KIAA1328: variants seen among roughly 807,000 people sequenced by gnomAD.
KIAA1328 encodes protein hinderin.
Under a neutral mutation model 68.1 loss-of-function variants are expected in KIAA1328, and 52 were observed. That is an observed-to-expected ratio of 0.76 (90% CI 0.61 to 0.96). KIAA1328 has a LOEUF of 0.96. Ranked by LOEUF, KIAA1328 falls within the 40% of genes least tolerant of loss-of-function variation. The pLI is 0.00. For missense variants in KIAA1328, 641 were observed against 677.6 expected, an observed-to-expected ratio of 0.95 and a Z score of 0.60; for synonymous variants, 232 against 239.4, an observed-to-expected ratio of 0.97 and a Z score of 0.28.
intron 4 of KIAA1328, among the ~76,000 whole-genome samples, chr18:36,853,937 C>G (rs570028715): frequency 6.6e-6 from 1 of 152,224 alleles, no homozygotes; most frequent in African/African-American, 2.4e-5. Context: ...GGATTATAGG[C>G]GTGAGCCACT....
In KIAA1328 at chr18:37,006,353, T is replaced by C. The variant is rs1285412837; in HGVS notation, c.576+46918T>C. Among the ~76,000 whole-genome samples, 5 of 152,012 alleles carry C rather than the reference T, an allele frequency of 3.3e-5. No individual in the cohort carries two copies. The South Asian group carries it at 1.0e-3, about 32-fold the overall frequency. Reference sequence around the variant, plus strand: ...CACAAAATACTGATCAAGGAGAAAATTTTACACATAAAACAATAAAACATA... The same window carrying C: ...CACAAAATACTGATCAAGGAGAAAACTTTACACATAAAACAATAAAACATA... On this transcript the variant is annotated intron_variant, in intron 6 of 9. Transcript: ENST00000280020.
At chr18:37,170,842 T>G (rs906523697) in intron 8 of KIAA1328, among the ~76,000 whole-genome samples, 2 of 151,862 alleles carry the variant, frequency 1.3e-5, no homozygotes, top group Non-Finnish European at 2.9e-5. Context: ...TTTCAAAGAG[T>G]TTTTATGAAA....
At chr18:37,054,808 CTATTTTT>C (rs1274782614) in intron 6 of KIAA1328, among the ~76,000 whole-genome samples, 1 of 152,132 alleles carries the variant, frequency 6.6e-6, no homozygotes, top group African/African-American at 2.4e-5. Flanking sequence ...CCCCCTGAAT[CTATTTTT>C]TAAAAAGATT....
intron 7 of KIAA1328, among the ~76,000 whole-genome samples, chr18:37,121,334 G>C (rs1192240179): frequency 2.6e-5 from 4 of 152,104 alleles, no homozygotes; most frequent in African/African-American, 9.6e-5. Context: ...CAGGTTAGTT[G>C]AAGATTCGAT....
chr18:37,224,533 A>G lies in KIAA1328; in HGVS notation c.*2306A>G, dbSNP rs892181738. On this transcript the variant is annotated 3_prime_UTR_variant, in exon 10 of 10. Transcript: ENST00000280020. The stretch of plus-strand genomic sequence containing the variant: ...AGGGCAATAGGATGTAAATTTGTAT[A>G]TAATCTAATGTCTTCATTATTAATT... The G allele has an allele frequency of 1.0e-4, 101 of 979,520 alleles. No homozygotes were observed. Among genetic ancestry groups the G allele is most frequent in the Non-Finnish European group, 1.2e-4 (97 of 824,520 alleles). 60.7% of individuals were successfully genotyped at this position (979,520 alleles called of 1,614,324 possible).
intron 6 of KIAA1328, among the ~76,000 whole-genome samples, chr18:37,052,807 A>T (rs747582813): frequency 5.9e-5 from 9 of 152,184 alleles, no homozygotes; most frequent in Non-Finnish European, 1.2e-4. Context: ...TGAGATCTCT[A>T]CACGAACTAA....
intron 6 of KIAA1328, among the ~76,000 whole-genome samples, chr18:37,054,491 A>G (rs528879949): frequency 2.0e-5 from 3 of 152,258 alleles, no homozygotes; most frequent in Non-Finnish European, 4.4e-5. Flanking sequence ...ATAGAAAAGA[A>G]TGAAATCACA....
chr18:37,179,857 GA>G (rs2059665099), intron 9 of KIAA1328, among the ~76,000 whole-genome samples: 1 of 151,980 alleles, frequency 6.6e-6, no homozygotes, highest in South Asian at 2.1e-4. Flanking sequence ...TGTTACTCTT[GA>G]TTCTCTGTGG....
At chr18:37,050,757 A>C (rs1243450089) in intron 6 of KIAA1328, among the ~76,000 whole-genome samples, 7 of 152,222 alleles carry the variant, frequency 4.6e-5, no homozygotes, top group Admixed American at 1.3e-4. Flanking sequence ...CATGTGAATC[A>C]CATAAGGCAG....
chr18:37,206,863 A>G (rs1209269047), intron 9 of KIAA1328, among the ~76,000 whole-genome samples: 2 of 152,204 alleles, frequency 1.3e-5, no homozygotes, highest in African/African-American at 4.8e-5. Flanking sequence ...CCAGCCATCT[A>G]GAATATTGCT....
At chr18:36,960,179 G>A (rs1249129849) in intron 6 of KIAA1328, among the ~76,000 whole-genome samples, 1 of 152,216 alleles carries the variant, frequency 6.6e-6, no homozygotes, top group Admixed American at 6.5e-5. Context: ...CTGGGTGGGT[G>A]TCATGCCCAC....
intron 6 of KIAA1328, among the ~76,000 whole-genome samples, chr18:37,056,702 G>A (rs953296453): frequency 6.6e-6 from 1 of 152,086 alleles, no homozygotes; most frequent in African/African-American, 2.4e-5. Flanking sequence ...CCAGGCTGGA[G>A]TGCAGTAGTG....
Position 36,863,655 on chromosome 18 carries a change from A to T in KIAA1328, c.332+19353A>T, listed in dbSNP as rs576684155. The stretch of plus-strand genomic sequence containing the variant: ...GGGTCTTCTCATCTATGAACATGGT[A>T]TGTTGCTCCAATTATTTAGGTCTTT... On this transcript the variant is annotated intron_variant, in intron 4 of 9. Coordinates refer to ENST00000280020, the MANE Select transcript of KIAA1328 (RefSeq NM_020776.3). 4.3e-4 allele frequency among the ~76,000 whole-genome samples: 66 copies of T among 152,236 alleles called. 1 individual carries two copies. The highest frequency in any genetic ancestry group is 1.5e-3 in the African/African-American group (62 of 41,550).
intron 6 of KIAA1328, among the ~76,000 whole-genome samples, chr18:36,977,650 G>A (rs985782726): frequency 2.6e-5 from 4 of 152,068 alleles, no homozygotes; most frequent in Non-Finnish European, 5.9e-5. Flanking sequence ...TTTAAAACAA[G>A]GGACCACATT....
intron 7 of KIAA1328, among the ~76,000 whole-genome samples, chr18:37,154,154 A>G (rs2059103840): frequency 6.6e-6 from 1 of 152,158 alleles, no homozygotes. Flanking sequence ...CACCTATAGA[A>G]CTTTTTTAAA....
At chr18:36,927,612 G>T (rs904443061) in intron 5 of KIAA1328, among the ~76,000 whole-genome samples, 1 of 152,070 alleles carries the variant, frequency 6.6e-6, no homozygotes, top group African/African-American at 2.4e-5. Flanking sequence ...AATTAACTGG[G>T]CATGGTGGTG....
intron 7 of KIAA1328, among the ~76,000 whole-genome samples, chr18:37,100,563 C>T (rs892630881): frequency 4.6e-5 from 7 of 152,208 alleles, no homozygotes; most frequent in African/African-American, 1.7e-4. Context: ...TCAAGAAGAC[C>T]CTCTTGCCTC....
In KIAA1328 at chr18:37,179,017, C is replaced by A. The variant is rs1162403864; in HGVS notation, c.1523+5936C>A. Among the ~76,000 whole-genome samples the A allele has an allele frequency of 7.2e-5, 11 of 152,156 alleles. No homozygotes were observed. In the East Asian group the frequency reaches 2.1e-3, roughly 29 times the overall value. ...TAGTTTGCAAGTGTTTTCTCCCATT[C>A]TGCAGGTTGTCTCATCACTCTGTTA... On this transcript the variant is annotated intron_variant, in intron 9 of 9. Transcript: ENST00000280020.
chr18:37,087,249 G>A (rs745892722), intron 7 of KIAA1328, among the ~76,000 whole-genome samples: 3 of 151,668 alleles, frequency 2.0e-5, no homozygotes, highest in Admixed American at 6.6e-5. Flanking sequence ...TTTTAGAGAC[G>A]GGGTTTTGCC....
Sources: gnomAD v4.1 joint callset for allele counts (sites outside exome capture counted in the v4.1 genomes callset) on GRCh38, gnomAD v4.1.1 for gene constraint, MANE v1.5 for transcripts, NCBI Gene and HGNC (gene_info 2026-07-23, HGNC 2026-07-21) for gene names.